NOS1AP: variants seen among roughly 807,000 people sequenced by gnomAD.
The protein encoded by NOS1AP is carboxyl-terminal PDZ ligand of neuronal nitric oxide synthase protein.
A neutral mutation model predicts 56.2 loss-of-function variants in NOS1AP; 21 were observed. The ratio of observed to expected loss-of-function variants is 0.37; its 90% CI spans 0.26 to 0.54. NOS1AP has a LOEUF of 0.54. NOS1AP is among the 20% of genes least tolerant of loss of function. NOS1AP has a pLI of 0.84. For missense variants in NOS1AP, 522 were observed against 657.8 expected, an observed-to-expected ratio of 0.79 and a Z score of 2.26; for synonymous variants, 270 against 274.6, an observed-to-expected ratio of 0.98 and a Z score of 0.17.
At chr1:162,243,296 C>A (rs763885178) in intron 2 of NOS1AP, among the ~76,000 whole-genome samples, 1 of 152,226 alleles carries the variant, frequency 6.6e-6, no homozygotes, top group Admixed American at 6.5e-5. Flanking sequence ...GAGAGAGAAG[C>A]AGGTGAGGAA....
chr1:162,155,205 C>T (rs1264279506), intron 2 of NOS1AP, among the ~76,000 whole-genome samples: 1 of 149,790 alleles, frequency 6.7e-6, no homozygotes, highest in Non-Finnish European at 1.5e-5. Context: ...TGAGTCCATA[C>T]ACAGTGTGAA....
chr1:162,204,660 A>G (rs1652104247), intron 2 of NOS1AP, among the ~76,000 whole-genome samples: 2 of 152,194 alleles, frequency 1.3e-5, no homozygotes, highest in Non-Finnish European at 2.9e-5. Context: ...CTTGTCATAT[A>G]GTGTGGAGTC....
intron 1 of NOS1AP, among the ~76,000 whole-genome samples, chr1:162,089,168 T>C (rs1385701059): frequency 2.6e-5 from 4 of 152,184 alleles, no homozygotes; most frequent in Admixed American, 2.6e-4. Context: ...AAACTACACA[T>C]AAGGAAAGAG....
rs1435308578 is a variant in NOS1AP at position 162,320,598 on chromosome 1, G to C, written c.345-12419G>C. Among the ~76,000 whole-genome samples, 4 of 152,314 alleles carry C rather than the reference G, an allele frequency of 2.6e-5. 1 individual carries two copies. The East Asian group carries it at 7.7e-4, about 29-fold the overall frequency. On this transcript the variant is annotated intron_variant, in intron 4 of 9. Coordinates refer to ENST00000361897, the MANE Select transcript of NOS1AP (RefSeq NM_014697.3). ...GAGCCGGGAGCGGTGGCTCACGCCT[G>C]TAATCCCAGCACTTTGGGAGGCCGA...
At chr1:162,342,445 C>CCACAAGCCTGG in intron 5 of NOS1AP, 2 of 455,038 alleles carry the variant, frequency 4.4e-6, no homozygotes, top group South Asian at 3.3e-5. Context: ...GAAATGACTC[C>CCACAAGCCTGG]AGGCTTGAGG....
At chr1:162,139,546 A>C (rs773249034) in intron 1 of NOS1AP, among the ~76,000 whole-genome samples, 15 of 152,166 alleles carry the variant, frequency 9.9e-5, no homozygotes, top group Non-Finnish European at 1.8e-4. Context: ...AGTGTTGAAA[A>C]GGCTTTGTTA....
chr1:162,080,205 G>A (rs1173932679), intron 1 of NOS1AP, among the ~76,000 whole-genome samples: 4 of 152,158 alleles, frequency 2.6e-5, no homozygotes, highest in Non-Finnish European at 5.9e-5. Context: ...TTTAAGCACT[G>A]GAGCAGTTGG....
At chr1:162,339,442 A>C (rs1381694659) in intron 5 of NOS1AP, among the ~76,000 whole-genome samples, 4 of 151,348 alleles carry the variant, frequency 2.6e-5, no homozygotes, top group African/African-American at 9.7e-5. Flanking sequence ...GAATGGCCAG[A>C]TTTTGGAACT....
intron 4 of NOS1AP, among the ~76,000 whole-genome samples, chr1:162,320,201 C>T (rs1242367279): frequency 1.3e-5 from 2 of 152,096 alleles, no homozygotes; most frequent in Admixed American, 1.3e-4. Context: ...CATGCTGGAC[C>T]ACCCCGACAC....
intron 2 of NOS1AP, among the ~76,000 whole-genome samples, chr1:162,210,067 T>A (rs1652295964): frequency 6.6e-6 from 1 of 152,190 alleles, no homozygotes; most frequent in Admixed American, 6.5e-5. Context: ...ATTATTTTGA[T>A]CCTTGTGAAA....
chr1:162,287,464 G>A, intron 3 of NOS1AP, 28 bp downstream of exon 3: 1 of 1,497,954 alleles, frequency 6.7e-7, no homozygotes, highest in African/African-American at 1.4e-5. Flanking sequence ...AGAATCTGAG[G>A]TGAAGAGGAA....
In NOS1AP at chr1:162,216,118, A is replaced by G. The variant is rs186339618; in HGVS notation, c.177+61642A>G. Among the ~76,000 whole-genome samples the G allele has an allele frequency of 2.5e-3, 379 of 152,176 alleles. 2 individuals carry two copies. Among genetic ancestry groups the G allele is most frequent in the African/African-American group, 8.7e-3 (362 of 41,516 alleles). On this transcript the variant is annotated intron_variant, in intron 2 of 9. Coordinates refer to ENST00000361897, the MANE Select transcript of NOS1AP (RefSeq NM_014697.3). The stretch of plus-strand genomic sequence containing the variant: ...CCTCCTCCCCCATCTCCTCCCTGTC[A>G]TCAGTCTTCTGAGTCCATTGACGTT...
chr1:162,345,861 T>C (rs2101809340), intron 6 of NOS1AP, among the ~76,000 whole-genome samples: 1 of 152,328 alleles, frequency 6.6e-6, no homozygotes, highest in East Asian at 1.9e-4. Flanking sequence ...GCACAGAGTA[T>C]GCACCACATA....
Position 162,367,926 on chromosome 1 carries a change from A to G in NOS1AP, c.*459A>G, listed in dbSNP as rs1658152694. 6.0e-6 allele frequency: 1 copy of G among 166,808 alleles called. No homozygotes were observed. The highest frequency in any genetic ancestry group is 5.7e-5 in the Admixed American group (1 of 17,504). The allele number at this position is 166,808 out of a possible 1,614,324, so 10.3% of individuals were successfully genotyped here. A position where few individuals can be genotyped will look rare whatever the true frequency, so the allele number is the denominator to read the frequency against. On this transcript the variant is annotated 3_prime_UTR_variant, in exon 10 of 10. Coordinates refer to ENST00000361897, the MANE Select transcript of NOS1AP (RefSeq NM_014697.3). This position sits in a 1 kb window ranked among gnomAD's most constrained non-coding sequence, Gnocchi z 6.5. Reference sequence around the variant, plus strand: ...TGTTTCTGGATATCACGATGCTGCGAGTTGCCTAACCCTCCCCCTACCTTT... The same window carrying G: ...TGTTTCTGGATATCACGATGCTGCGGGTTGCCTAACCCTCCCCCTACCTTT...
At chr1:162,361,125 C>A (rs1412353712) in intron 8 of NOS1AP, among the ~76,000 whole-genome samples, 2 of 152,174 alleles carry the variant, frequency 1.3e-5, no homozygotes, top group African/African-American at 2.4e-5. Context: ...TCACTCTGTG[C>A]CACATCACTG....
At chr1:162,334,367 GA>G (rs1656871646) in intron 5 of NOS1AP, among the ~76,000 whole-genome samples, 1 of 152,124 alleles carries the variant, frequency 6.6e-6, no homozygotes, top group Admixed American at 6.5e-5. Flanking sequence ...AGCTGAGAGG[GA>G]AAAAACATAA....
intron 2 of NOS1AP, among the ~76,000 whole-genome samples, chr1:162,238,732 G>A (rs10918952): frequency 0.085 from 12,981 of 152,070 alleles, 828 homozygotes; most frequent in African/African-American, 0.19. Context: ...TAGTTGCTGC[G>A]TATATAAAAG....
intron 2 of NOS1AP, among the ~76,000 whole-genome samples, chr1:162,282,541 G>C (rs918877303): frequency 4.6e-5 from 7 of 152,126 alleles, no homozygotes; most frequent in Non-Finnish European, 1.5e-5. Flanking sequence ...GTATCTTACT[G>C]TCTAAATTTT....
At chr1:162,365,263 A>G (rs1658040203) in intron 8 of NOS1AP, 141 bp from the exon 9 acceptor site, 2 of 1,513,168 alleles carry the variant, frequency 1.3e-6, no homozygotes, top group Non-Finnish European at 8.9e-7. Context: ...CCAGATGCCC[A>G]TGCTGCCCGT....
Sources: allele counts gnomAD v4.1 joint callset (sites outside exome capture counted in the v4.1 genomes callset), GRCh38; gene constraint gnomAD v4.1.1; non-coding constraint Gnocchi (gnomAD v3.1); transcripts MANE v1.5; gene names NCBI Gene and HGNC (gene_info 2026-07-23, HGNC 2026-07-21).